ADAMTSL4: variants seen among roughly 807,000 people sequenced by gnomAD.
The protein encoded by ADAMTSL4 is ADAMTS like 4.
Under a neutral mutation model 122.8 loss-of-function variants are expected in ADAMTSL4, and 97 were observed. The observed-to-expected ratio is 0.79, with a 90% confidence interval of 0.67 to 0.93. ADAMTSL4 has a LOEUF of 0.93. Ranked by LOEUF, ADAMTSL4 falls within the 40% of genes least tolerant of loss-of-function variation. The probability of loss-of-function intolerance (pLI) is 0.00; values close to 1 mark genes in which losing one functional copy is unlikely to be tolerated. For missense variants in ADAMTSL4, 1,408 were observed against 1,453.5 expected (o/e 0.97, Z 0.51); for synonymous variants, 592 against 568.0 (o/e 1.04, Z -0.60).
chr1:150,553,555 T>C lies in ADAMTSL4; in HGVS notation c.564T>C (p.Ser188=), dbSNP rs912555612. The C allele has an allele frequency of 2.5e-6, 4 of 1,613,734 alleles. No individual in the cohort carries two copies. Among genetic ancestry groups the C allele is most frequent in the Non-Finnish European group, 3.4e-6 (4 of 1,179,864 alleles). ...PPRSELSLIS[S]RGEEAIPSPT... ...GATCTGAGCTGTCCCTGATCTCTTC[T>C]AGAGGGGAAGAGGCTATTCCGTCCC... The change falls in exon 6 of 19, where the codon TCT becomes TCC. Residue 188 remains serine, a synonymous_variant. Transcript: ENST00000271643.
In ADAMTSL4 at chr1:150,558,043, C is replaced by T. The variant is rs772998470; in HGVS notation, c.2276C>T (p.Ser759Phe). 2.9e-5 allele frequency: 47 copies of T among 1,612,768 alleles called. No individual in the cohort carries two copies. The South Asian group carries it at 3.1e-4, about 11-fold the overall frequency. The change falls in exon 14 of 19, where the codon TCC becomes TTC. Residue 759 changes from serine to phenylalanine, a missense_variant. Physicochemically the swap from Ser to Phe is radical, Grantham distance 155 (BLOSUM62 -2). Coordinates refer to ENST00000271643, the MANE Select transcript of ADAMTSL4 (RefSeq NM_019032.6). ...QCRQEFGGGG[S>F]SVPPERCGHL... ...CGGCAGGAATTTGGGGGGGGTGGCTCCTCGGTGCCCCCGGAGCGCTGTGGA... is the reference window on the plus strand; with the variant it reads ...CGGCAGGAATTTGGGGGGGGTGGCTTCTCGGTGCCCCCGGAGCGCTGTGGA...
In ADAMTSL4 at chr1:150,559,175, G is replaced by A. The variant is rs1672534877; in HGVS notation, c.2763+10G>A. 1 of 1,612,160 alleles carries A rather than the reference G, an allele frequency of 6.2e-7. No individual in the cohort carries two copies. Among genetic ancestry groups the A allele is most frequent in the Non-Finnish European group, 8.5e-7 (1 of 1,179,478 alleles). On this transcript the variant is annotated intron_variant, in intron 16 of 18. Coordinates refer to ENST00000271643, the MANE Select transcript of ADAMTSL4 (RefSeq NM_019032.6). The surrounding 1 kb of genome is among the most constrained non-coding windows in gnomAD (Gnocchi z 4.1). The stretch of plus-strand genomic sequence containing the variant: ...AGGGCCCTGGGGTGAGGTAAGCTGA[G>A]CGCCTGCTGAGAGCAGGAAGGGGGT...
intron 15 of ADAMTSL4, 153 bp downstream of exon 15, chr1:150,558,802 A>G: frequency 6.5e-7 from 1 of 1,545,016 alleles, no homozygotes; most frequent in Non-Finnish European, 8.7e-7. Flanking sequence ...AACAACTTCC[A>G]TGAGGGGCCC....
At chr1:150,558,435 G>C in intron 14 of ADAMTSL4, 38 bp from the exon 15 acceptor site, 8 of 1,611,094 alleles carry the variant, frequency 5.0e-6, no homozygotes, top group Non-Finnish European at 6.8e-6. Flanking sequence ...GAGAAGGTCT[G>C]GGAAGCCCAG....
intron 18 of ADAMTSL4, 51 bp from the exon 19 acceptor site, chr1:150,560,009 C>G (rs777483840): frequency 6.2e-7 from 1 of 1,613,972 alleles, no homozygotes; most frequent in Non-Finnish European, 8.5e-7. Flanking sequence ...CATTCCCAGA[C>G]GGGTGGGTCC....
rs1671840119 is a variant in ADAMTSL4 at position 150,554,789 on chromosome 1, G to T, written c.1234+322G>T. The stretch of plus-strand genomic sequence containing the variant: ...TCCTGTCCAGCCGTGACAGCCAGGT[G>T]GGGGTGTGCCACGCATCCTGGGCAC... On this transcript the variant is annotated intron_variant, in intron 7 of 18. Transcript: ENST00000271643. The surrounding 1 kb of genome is among the most constrained non-coding windows in gnomAD (Gnocchi z 4.0). The T allele has an allele frequency of 2.3e-6, 2 of 865,422 alleles. No individual in the cohort carries two copies. Among genetic ancestry groups the T allele is most frequent in the Non-Finnish European group, 1.7e-6 (1 of 572,060 alleles). The allele number at this position is 865,422 out of a possible 1,614,324, so 53.6% of individuals were successfully genotyped here.
In ADAMTSL4 at chr1:150,556,434, A is replaced by G. The variant is rs1672127336; in HGVS notation, c.1576+68A>G. ...GGCCCTCCATACCCCTACTCAGAGC[A>G]GTGAGCAAGCCAAACAGGGGGAAGT... is the stretch of plus-strand genomic sequence containing the variant. On this transcript the variant is annotated intron_variant, in intron 9 of 18. Coordinates refer to ENST00000271643, the MANE Select transcript of ADAMTSL4 (RefSeq NM_019032.6). This position sits in a 1 kb window ranked among gnomAD's most constrained non-coding sequence, Gnocchi z 4.1. The G allele has an allele frequency of 6.2e-7, 1 of 1,600,124 alleles. No homozygotes were observed. The highest frequency in any genetic ancestry group is 1.7e-5 in the Admixed American group (1 of 58,660).
chr1:150,558,897 C>G, intron 15 of ADAMTSL4, 65 bp from the exon 16 acceptor site: 1 of 1,547,108 alleles, frequency 6.5e-7, no homozygotes, highest in Non-Finnish European at 8.7e-7. Flanking sequence ...CCTCCCTGCC[C>G]CCCTACTGTC....
chr1:150,550,615 C>T (rs926278917), intron 2 of ADAMTSL4: 4 of 395,126 alleles, frequency 1.0e-5, no homozygotes, highest in South Asian at 3.5e-5. Flanking sequence ...CTTCCCTCAG[C>T]TGGAGTAACA....
rs1327368421 is a variant in ADAMTSL4 at position 150,559,973 on chromosome 1, G to T, written c.3088+68G>T. Reference sequence around the variant, plus strand: ...CTGAAGTATGGGAGGAGATGAGAAAGGACCAGTGGGAATGGGCAGCACACC... The same window carrying T: ...CTGAAGTATGGGAGGAGATGAGAAATGACCAGTGGGAATGGGCAGCACACC... On this transcript the variant is annotated intron_variant, in intron 18 of 18. Transcript: ENST00000271643. The surrounding 1 kb of genome is among the most constrained non-coding windows in gnomAD (Gnocchi z 4.1). 9 of 1,613,734 alleles carry T rather than the reference G, an allele frequency of 5.6e-6. No individual in the cohort carries two copies. The African/African-American group carries it at 1.1e-4, about 19-fold the overall frequency.
In ADAMTSL4 at chr1:150,553,883, C is replaced by T. The variant is rs747011314; in HGVS notation, c.892C>T (p.Arg298Cys). Residue 298 changes from arginine (R) to cysteine (C), a missense_variant, in exon 6 of 19, where the codon CGC (arginine) becomes TGC (cysteine). Transcript: ENST00000271643. ...GGCCAGTCCCCAGGTAGCAGGGAGA[C>T]GCCCTGATCCTTTTCCTTCGGTCCC... ...GWASPQVAGRRPDPFPSVPRG... is the reference protein window; with the variant it reads ...GWASPQVAGRCPDPFPSVPRG... 4.0e-5 allele frequency: 65 copies of T among 1,613,850 alleles called. No homozygotes were observed. In the East Asian group the frequency reaches 7.8e-4, roughly 19 times the overall value.
Position 150,558,489 on chromosome 1 carries a change from G to A in ADAMTSL4, c.2399G>A (p.Gly800Asp), listed in dbSNP as rs745699374. The change falls in exon 15 of 19, where the codon GGC becomes GAC. Residue 800 changes from glycine (G) to aspartate (D), a missense_variant. Gly to Asp is a moderately conservative substitution (Grantham distance 94, BLOSUM62 -1). Coordinates refer to ENST00000271643, the MANE Select transcript of ADAMTSL4 (RefSeq NM_019032.6). Reference sequence around the variant, plus strand: ...CCCCCTCAGTGCTCCGTGCGGTGCGGCCGGGGCCAGAGAAGCCGGCAGGTT... The same window carrying A: ...CCCCCTCAGTGCTCCGTGCGGTGCGACCGGGGCCAGAGAAGCCGGCAGGTT... Reference protein sequence around the residue: ...SPWSQCSVRCGRGQRSRQVRC... With the variant: ...SPWSQCSVRCDRGQRSRQVRC... The A allele has an allele frequency of 1.2e-6, 2 of 1,613,544 alleles. No individual in the cohort carries two copies. Among genetic ancestry groups the A allele is most frequent in the African/African-American group, 2.7e-5 (2 of 74,926 alleles).
chr1:150,552,885 T>C lies in ADAMTSL4; in HGVS notation c.79-13T>C. On this transcript the variant is annotated splice_polypyrimidine_tract_variant and intron_variant, in intron 4 of 18. Transcript: ENST00000271643. The surrounding 1 kb of genome is among the most constrained non-coding windows in gnomAD (Gnocchi z 4.0). ...AATCCTTCCAATTCTGTCTGACCTT[T>C]TTCTCTATATAGGTGTTGTCCGGAC... The C allele has an allele frequency of 1.9e-6, 3 of 1,609,888 alleles. No homozygotes were observed. The highest frequency in any genetic ancestry group is 2.5e-6 in the Non-Finnish European group (3 of 1,178,540).
Position 150,558,465 on chromosome 1 carries a change from C to A in ADAMTSL4, c.2383-8C>A, listed in dbSNP as rs1433296261. The A allele has an allele frequency of 1.9e-6, 3 of 1,613,216 alleles. No homozygotes were observed. Among genetic ancestry groups the A allele is most frequent in the Non-Finnish European group, 2.5e-6 (3 of 1,179,938 alleles). ...GCCCAGCTCCCTGGATTCCCCTCGC[C>A]CCCTCAGTGCTCCGTGCGGTGCGGC... On this transcript the variant is annotated splice_polypyrimidine_tract_variant and splice_region_variant and intron_variant, in intron 14 of 18. Coordinates refer to ENST00000271643, the MANE Select transcript of ADAMTSL4 (RefSeq NM_019032.6).
chr1:150,550,977 A>C (rs923383333), intron 2 of ADAMTSL4: 1 of 456,224 alleles, frequency 2.2e-6, no homozygotes, highest in Non-Finnish European at 4.4e-6. Context: ...TGCCTTTCAG[A>C]TCCAACAGAA....
In ADAMTSL4 at chr1:150,558,060, C is replaced by T. The variant is rs139296719; in HGVS notation, c.2293C>T (p.Arg765Cys). 235 of 1,612,952 alleles carry T rather than the reference C, an allele frequency of 1.5e-4. No homozygotes were observed. Among genetic ancestry groups the T allele is most frequent in the Middle Eastern group, 6.6e-4 (4 of 6,078 alleles). Reference sequence around the variant, plus strand: ...GGGTGGCTCCTCGGTGCCCCCGGAGCGCTGTGGACATCTCCCCCGGCCCAA... The same window carrying T: ...GGGTGGCTCCTCGGTGCCCCCGGAGTGCTGTGGACATCTCCCCCGGCCCAA... ...GGGGSSVPPE[R>C]CGHLPRPNIT... Residue 765 changes from arginine to cysteine, a missense_variant, in exon 14 of 19, where the codon CGC (arginine) becomes TGC (cysteine). Arg to Cys is a radical substitution (Grantham distance 180, BLOSUM62 -3). Transcript: ENST00000271643.
At position 150,558,290 on chromosome 1, in the gene ADAMTSL4, T is replaced by G; in HGVS notation, c.2382+141T>G. 4 of 1,519,962 alleles carry G rather than the reference T, an allele frequency of 2.6e-6. No individual in the cohort carries two copies. The Admixed American group carries it at 8.3e-5, about 31-fold the overall frequency. 94.2% of individuals were successfully genotyped at this position (1,519,962 alleles called of 1,614,324 possible). A position where few individuals can be genotyped will look rare whatever the true frequency, so the allele number is the denominator to read the frequency against. ...ATGGACCCCCAATATAGAAGTCAGA[T>G]AAGGGACTGAACCAGGGACTGGGGG... On this transcript the variant is annotated intron_variant, in intron 14 of 18. Transcript: ENST00000271643.
chr1:150,559,100 A>G lies in ADAMTSL4; in HGVS notation c.2698A>G (p.Met900Val). The G allele has an allele frequency of 1.2e-6, 2 of 1,612,886 alleles. 1 individual carries two copies. The highest frequency in any genetic ancestry group is 2.2e-5 in the South Asian group (2 of 91,048). The change falls in exon 16 of 19, where the codon ATG becomes GTG. Residue 900 changes from methionine to valine, a missense_variant. By Grantham distance (21) the Met-to-Val change is conservative. Transcript: ENST00000271643. This position sits in a 1 kb window ranked among gnomAD's most constrained non-coding sequence, Gnocchi z 4.1. ...TCCAACAGGAAGCCGGCCCCCTGAC[A>G]TGCGCGCCTGCAGCCTGGGGCCCTG... The part of the protein sequence containing the change: ...SCPTGSRPPD[M>V]RACSLGPCER...
chr1:150,550,671 T>G lies in ADAMTSL4; in HGVS notation c.-85+776T>G, dbSNP rs189113947. On this transcript the variant is annotated intron_variant, in intron 2 of 18. Coordinates refer to ENST00000271643, the MANE Select transcript of ADAMTSL4 (RefSeq NM_019032.6). ...GACTTGGGTGGAACATGGGCCCTTC[T>G]CTGGAGATCCTGGCCTCCCCCGTTC... 316 of 447,344 alleles carry G rather than the reference T, an allele frequency of 7.1e-4. 2 individuals are homozygous for G. The highest frequency in any genetic ancestry group is 5.4e-3 in the African/African-American group (271 of 49,990). 27.7% of individuals were successfully genotyped at this position (447,344 alleles called of 1,614,324 possible).
Sources: allele counts gnomAD v4.1 joint callset, GRCh38; gene constraint gnomAD v4.1.1; non-coding constraint Gnocchi (gnomAD v3.1); transcripts MANE v1.5; gene names NCBI Gene and HGNC (gene_info 2026-07-23, HGNC 2026-07-21).